The following LMNA variants were observed in gnomAD, a reference collection of about 807,000 sequenced individuals.
The protein encoded by LMNA is lamin.
In LMNA, 20 loss-of-function variants were observed where a neutral mutation model predicts 70.4. The ratio of observed to expected loss-of-function variants is 0.28; its 90% CI spans 0.20 to 0.41. The LOEUF (loss-of-function observed/expected upper bound fraction) is 0.41, where lower values mean the gene tolerates loss of function less well. Ranked by LOEUF, LMNA falls within the 10% of genes least tolerant of loss-of-function variation. The probability of loss-of-function intolerance (pLI) is 1.00; values close to 1 mark genes in which losing one functional copy is unlikely to be tolerated. For synonymous variants in LMNA, 339 were observed against 372.8 expected, an observed-to-expected ratio of 0.91 and a Z score of 1.04; for missense variants, 652 against 917.2, an observed-to-expected ratio of 0.71 and a Z score of 3.73.
Position 156,139,503 on chromosome 1 carries a change from A to T in LMNA, c.*397A>T. On this transcript the variant is annotated 3_prime_UTR_variant, in exon 12 of 12. Transcript: ENST00000368300. ...CTGCCCCCACCCCGGGGACCCTGTG[A>T]CATGGTGCCTGAGAGGCAGGCATAG... The T allele has an allele frequency of 7.5e-7, 1 of 1,334,338 alleles. No homozygotes were observed. The highest frequency in any genetic ancestry group is 9.6e-7 in the Non-Finnish European group (1 of 1,044,528). The allele number at this position is 1,334,338 out of a possible 1,614,324, so 82.7% of individuals were successfully genotyped here.
Position 156,136,498 on chromosome 1 carries a change from A to C in LMNA, c.1380+62A>C, listed in dbSNP as rs1273226364. The C allele has an allele frequency of 2.7e-6, 4 of 1,472,040 alleles. No homozygotes were observed. Among genetic ancestry groups the C allele is most frequent in the Non-Finnish European group, 3.7e-6 (4 of 1,082,856 alleles). 91.2% of individuals were successfully genotyped at this position (1,472,040 alleles called of 1,614,324 possible). On this transcript the variant is annotated intron_variant, in intron 7 of 11. Coordinates refer to ENST00000368300, the MANE Select transcript of LMNA (RefSeq NM_170707.4). This position sits in a 1 kb window ranked among gnomAD's most constrained non-coding sequence, Gnocchi z 6.1. ...CATCAGGGAGAGAGTGGCAAGACAG[A>C]AGGATGGCATGTGGAGAGAGGAACA...
Position 156,084,047 on chromosome 1 carries a change from TGAA to T in LMNA, c.-319+870_-319+872del, listed in dbSNP as rs938678523. ...CAGCTTGAGGGCTCGAGGTCAGACT[TGAA>T]GAAGAACTTCCATAAAGAGTTTTAT... On this transcript the variant is annotated intron_variant, in intron 2 of 12. Coordinates refer to the LMNA transcript ENST00000368301. Among the ~76,000 whole-genome samples the T allele has an allele frequency of 3.9e-5, 6 of 152,314 alleles. 1 individual carries two copies. The South Asian group carries it at 1.0e-3, about 26-fold the overall frequency.
At chr1:156,117,423 C>A (rs550536529) in intron 1 of LMNA, among the ~76,000 whole-genome samples, 2 of 146,672 alleles carry the variant, frequency 1.4e-5, no homozygotes, top group Non-Finnish European at 3.0e-5. Context: ...TTAGTAGAGA[C>A]GGGGTTTCAC....
chr1:156,117,327 C>G (rs144782862), intron 1 of LMNA, among the ~76,000 whole-genome samples: 631 of 151,960 alleles, frequency 4.2e-3, no homozygotes, highest in Non-Finnish European at 5.8e-3. Flanking sequence ...CTCTGCCTCC[C>G]AGGTTCAAGC....
At position 156,130,799 on chromosome 1, in the gene LMNA, C is replaced by T. The variant is rs1650994853; in HGVS notation, c.513+26C>T. ...GTGAGGCCACCCTGCAGGGCCCACC[C>T]ATGGCCCCACCTAACACATGTACAC... On this transcript the variant is annotated intron_variant, in intron 2 of 11. Coordinates refer to ENST00000368300, the MANE Select transcript of LMNA (RefSeq NM_170707.4). The T allele has an allele frequency of 1.9e-6, 3 of 1,555,458 alleles. No individual in the cohort carries two copies. The East Asian group carries it at 7.2e-5, about 38-fold the overall frequency.
At chr1:156,124,842 C>T (rs1321642819) in intron 1 of LMNA, among the ~76,000 whole-genome samples, 1 of 152,182 alleles carries the variant, frequency 6.6e-6, no homozygotes, top group East Asian at 1.9e-4. Context: ...GCCTCCGTAT[C>T]ACTCTCTGAC....
chr1:156,112,542 G>A (rs117903360), upstream of LMNA, among the ~76,000 whole-genome samples: 115 of 152,320 alleles, frequency 7.5e-4, 2 homozygotes, highest in East Asian at 0.02. Flanking sequence ...CTTCCCTCAC[G>A]TTTCACTGGC....
In LMNA at chr1:156,138,028, A is replaced by G; in HGVS notation, c.1698+285A>G. 1 of 617,296 alleles carries G rather than the reference A, an allele frequency of 1.6e-6. No individual in the cohort carries two copies. Among genetic ancestry groups the G allele is most frequent in the South Asian group, 2.0e-5 (1 of 50,256 alleles). 38.2% of individuals were successfully genotyped at this position (617,296 alleles called of 1,614,324 possible). A position where few individuals can be genotyped will look rare whatever the true frequency, so the allele number is the denominator to read the frequency against. On this transcript the variant is annotated intron_variant, in intron 10 of 11. Coordinates refer to ENST00000368300, the MANE Select transcript of LMNA (RefSeq NM_170707.4). The surrounding 1 kb of genome is among the most constrained non-coding windows in gnomAD (Gnocchi z 5.5). The stretch of plus-strand genomic sequence containing the variant: ...AAGGGTCTGGATTTGTCTTCTGGGA[A>G]AGGGAGGGGAGGACAGACGTGGGGC...
At chr1:156,107,372 G>A (rs955122064) in intron 3 of LMNA, among the ~76,000 whole-genome samples, 4 of 152,176 alleles carry the variant, frequency 2.6e-5, no homozygotes, top group African/African-American at 4.8e-5. Flanking sequence ...CCATGGCAGC[G>A]TGGCACTGAG....
chr1:156,114,146 G>A (rs1649646987), upstream of LMNA, among the ~76,000 whole-genome samples: 1 of 152,210 alleles, frequency 6.6e-6, no homozygotes, highest in Admixed American at 6.5e-5. Context: ...CTCCCCCCAG[G>A]GAACCCAGGC....
At chr1:156,117,079 A>ATTTTTTTTTT (rs150049994) in intron 1 of LMNA, among the ~76,000 whole-genome samples, 2 of 112,664 alleles carry the variant, frequency 1.8e-5, no homozygotes, top group Non-Finnish European at 1.8e-5. Flanking sequence ...ACACATGGCT[A>ATTTTTTTTTT]TTTTTTTTTT....
intron 1 of LMNA, among the ~76,000 whole-genome samples, chr1:156,117,418 A>G (rs1649909307): frequency 6.6e-6 from 1 of 151,034 alleles, no homozygotes; most frequent in African/African-American, 2.4e-5. Context: ...TATTTTTAGT[A>G]GAGACGGGGT....
chr1:156,094,499 T>C (rs1648835873), intron 3 of LMNA, among the ~76,000 whole-genome samples: 2 of 150,064 alleles, frequency 1.3e-5, no homozygotes, highest in Non-Finnish European at 3.0e-5. Flanking sequence ...CCACCATGCC[T>C]GGCTAATTTT....
rs1276248654 is a variant in LMNA, at chr1:156,134,079, C to A, written c.514-324C>A. On this transcript the variant is annotated intron_variant, in intron 2 of 11. Transcript: ENST00000368300. This position sits in a 1 kb window ranked among gnomAD's most constrained non-coding sequence, Gnocchi z 5.3. Reference sequence around the variant, plus strand: ...TCACCCAGGCTGGAGTGCAGTAGTGCGATCTCGGCTCACTGCAACCTCCAC... The same window carrying A: ...TCACCCAGGCTGGAGTGCAGTAGTGAGATCTCGGCTCACTGCAACCTCCAC... Among the ~76,000 whole-genome samples, 1 of 152,100 alleles carries A rather than the reference C, an allele frequency of 6.6e-6. No individual in the cohort carries two copies. Among genetic ancestry groups the A allele is most frequent in the Non-Finnish European group, 1.5e-5 (1 of 68,006 alleles).
At chr1:156,118,686 A>G (rs140844222) in intron 1 of LMNA, among the ~76,000 whole-genome samples, 129 of 152,290 alleles carry the variant, frequency 8.5e-4, no homozygotes, top group African/African-American at 2.9e-3. Flanking sequence ...AAGTGGGTAG[A>G]GTAAAGAATT....
rs1352689404 is a variant in LMNA at position 156,095,648 on chromosome 1, C to T, written c.-207+5066C>T. On this transcript the variant is annotated intron_variant, in intron 3 of 12. Coordinates refer to the LMNA transcript ENST00000368301. ...CTGGGATTACAGGCGTGAGCCACTGCGCCCGGTGTCCAAGACACTTCTAAC... is the reference window on the plus strand; with the variant it reads ...CTGGGATTACAGGCGTGAGCCACTGTGCCCGGTGTCCAAGACACTTCTAAC... Among the ~76,000 whole-genome samples, 5 of 152,130 alleles carry T rather than the reference C, an allele frequency of 3.3e-5. 1 individual carries two copies. The highest frequency in any genetic ancestry group is 5.9e-5 in the Non-Finnish European group (4 of 68,014).
chr1:156,115,401 C>A lies in LMNA; in HGVS notation c.356+127C>A. ...CGATAACTTTGCCATAGTCTCCTCC[C>A]TCCCCGGAACTGCCCCCAGCGGGTG... On this transcript the variant is annotated intron_variant, in intron 1 of 11. Coordinates refer to ENST00000368300, the MANE Select transcript of LMNA (RefSeq NM_170707.4). This position sits in a 1 kb window ranked among gnomAD's most constrained non-coding sequence, Gnocchi z 5.8. 2 of 813,094 alleles carry A rather than the reference C, an allele frequency of 2.5e-6. No individual in the cohort carries two copies. Among genetic ancestry groups the A allele is most frequent in the Non-Finnish European group, 4.1e-6 (2 of 490,848 alleles). The allele number at this position is 813,094 out of a possible 1,614,324, so 50.4% of individuals were successfully genotyped here. A position where few individuals can be genotyped will look rare whatever the true frequency, so the allele number is the denominator to read the frequency against.
chr1:156,091,923 T>A (rs948852018), intron 3 of LMNA, among the ~76,000 whole-genome samples: 50 of 147,986 alleles, frequency 3.4e-4, no homozygotes, highest in African/African-American at 9.1e-4. Flanking sequence ...CAAAAAAAAA[T>A]TTTTTTTTTT....
chr1:156,096,930 C>T (rs1222304428), intron 3 of LMNA, among the ~76,000 whole-genome samples: 3 of 152,168 alleles, frequency 2.0e-5, no homozygotes, highest in East Asian at 1.9e-4. Context: ...CCCTGGGGCT[C>T]GGGGGCAGAC....
Sources: gnomAD v4.1 joint callset for allele counts (sites outside exome capture counted in the v4.1 genomes callset) on GRCh38, gnomAD v4.1.1 for gene constraint, Gnocchi (gnomAD v3.1) non-coding constraint, MANE v1.5 for transcripts, NCBI Gene and HGNC (gene_info 2026-07-23, HGNC 2026-07-21) for gene names.